The following RASSF3 variants were observed in gnomAD, a reference collection of about 807,000 sequenced individuals.
RASSF3 encodes Ras association domain family member 3.
Under a neutral mutation model 19.9 loss-of-function variants are expected in RASSF3, and 19 were observed. The ratio of observed to expected loss-of-function variants is 0.96; its 90% CI spans 0.67 to 1.40. The LOEUF is 1.40. Ranked by LOEUF, RASSF3 falls within the 40% of genes most tolerant of loss-of-function variation. The pLI is 0.00. For synonymous variants in RASSF3, 110 were observed against 104.2 expected (o/e 1.06, Z -0.34); for missense variants, 306 against 289.8 (o/e 1.06, Z -0.41).
chr12:64,667,533 G>C (rs577662434), intron 1 of RASSF3, among the ~76,000 whole-genome samples: 1 of 152,138 alleles, frequency 6.6e-6, no homozygotes, highest in African/African-American at 2.4e-5. Flanking sequence ...AAAGATGGTC[G>C]TAGCTCCTAT....
chr12:64,597,095 C>T (rs1870010050), intron 2 of RASSF3, among the ~76,000 whole-genome samples: 1 of 151,726 alleles, frequency 6.6e-6, no homozygotes, highest in African/African-American at 2.4e-5. Flanking sequence ...ACACGTTGGC[C>T]TTCACATATC....
In RASSF3 at chr12:64,696,426, TTAATC is replaced by T. The variant is rs2136228891; in HGVS notation, c.*1516_*1520del. 6.6e-6 allele frequency: 1 copy of T among 152,332 alleles called. No individual in the cohort carries two copies. The highest frequency in any genetic ancestry group is 2.4e-5 in the African/African-American group (1 of 41,570). 9.4% of individuals were successfully genotyped at this position (152,332 alleles called of 1,614,324 possible). A position where few individuals can be genotyped will look rare whatever the true frequency, so the allele number is the denominator to read the frequency against. On this transcript the variant is annotated 3_prime_UTR_variant, in exon 5 of 5. Transcript: ENST00000542104. ...AAATAACCTCATTTTATGCAGCAGT[TTAATC>T]TGAGAACAGAGGGAAAGGTGTGCAG...
At chr12:64,527,467 C>G (rs564983423) in intron 1 of RASSF3, among the ~76,000 whole-genome samples, 3 of 152,144 alleles carry the variant, frequency 2.0e-5, no homozygotes, top group Non-Finnish European at 4.4e-5. Flanking sequence ...CATTTCCTGC[C>G]CAATCCAGTG....
chr12:64,589,776 G>A (rs1184433048), intron 2 of RASSF3, among the ~76,000 whole-genome samples: 4 of 151,904 alleles, frequency 2.6e-5, no homozygotes, highest in Non-Finnish European at 5.9e-5. Context: ...GCCAAGATGA[G>A]TGGATCACTT....
chr12:64,644,350 G>C (rs1871653038), intron 1 of RASSF3, among the ~76,000 whole-genome samples: 1 of 152,142 alleles, frequency 6.6e-6, no homozygotes, highest in Non-Finnish European at 1.5e-5. Flanking sequence ...GGAGTGTCCT[G>C]TATTATCTTA....
chr12:64,690,688 G>C (rs1463365024), intron 3 of RASSF3, among the ~76,000 whole-genome samples: 1 of 150,704 alleles, frequency 6.6e-6, no homozygotes, highest in Non-Finnish European at 1.5e-5. Flanking sequence ...GTCCTGCTAT[G>C]TTGCCCTGGC....
chr12:64,687,513 C>T (rs1873405615), intron 2 of RASSF3, among the ~76,000 whole-genome samples: 2 of 149,228 alleles, frequency 1.3e-5, no homozygotes, highest in African/African-American at 5.0e-5. Flanking sequence ...CTTGCTCTGT[C>T]GCCCAGGCTG....
At chr12:64,561,842 C>A (rs1869352588) in intron 2 of RASSF3, among the ~76,000 whole-genome samples, 1 of 150,790 alleles carries the variant, frequency 6.6e-6, no homozygotes, top group African/African-American at 2.4e-5. Context: ...ACAGGCGAGC[C>A]CAACCACGCC....
rs12822870 is a variant in RASSF3, at chr12:64,582,052, G to A, written c.294+40347G>A. On this transcript the variant is annotated intron_variant, in intron 2 of 5. Coordinates refer to the RASSF3 transcript ENST00000637125. ...CTCGGCCAATTTTTTAGAGAGATGC[G>A]GTTGCCCAGGTGGGGGTCTCAAATT... Among the ~76,000 whole-genome samples, 1,188 of 151,902 alleles carry A rather than the reference G, an allele frequency of 7.8e-3. 8 individuals are homozygous for A. The highest frequency in any genetic ancestry group is 0.015 in the South Asian group (74 of 4,808).
chr12:64,622,639 G>T, intron 1 of RASSF3: 1 of 350,784 alleles, frequency 2.9e-6, no homozygotes, highest in Non-Finnish European at 5.6e-6. Flanking sequence ...GAAAATTGTT[G>T]CTTAATCTCT....
At chr12:64,615,000 T>C (rs1433238994) in intron 1 of RASSF3, among the ~76,000 whole-genome samples, 1 of 152,146 alleles carries the variant, frequency 6.6e-6, no homozygotes. Context: ...CGCCTGGCTG[T>C]TTCTTAAAAT....
At chr12:64,634,571 A>G (rs1247585156) in intron 1 of RASSF3, among the ~76,000 whole-genome samples, 6 of 152,040 alleles carry the variant, frequency 3.9e-5, no homozygotes, top group Non-Finnish European at 5.9e-5. Context: ...AAGCTTCACC[A>G]TAAATTTGAT....
downstream of RASSF3, among the ~76,000 whole-genome samples, chr12:64,546,293 C>T (rs750303994): frequency 2.6e-5 from 4 of 151,952 alleles, no homozygotes; most frequent in African/African-American, 7.3e-5. Flanking sequence ...TATTTTGAGA[C>T]GGAGTCTCGC....
At chr12:64,539,631 G>A (rs1868901297) in intron 1 of RASSF3, among the ~76,000 whole-genome samples, 1 of 152,108 alleles carries the variant, frequency 6.6e-6, no homozygotes, top group Non-Finnish European at 1.5e-5. Context: ...CAAAAATTAG[G>A]CAAGCATGGT....
In RASSF3 at chr12:64,688,235, C is replaced by T; in HGVS notation, c.239C>T (p.Thr80Ile). Residue 80 changes from threonine to isoleucine, a missense_variant, in exon 3 of 5, where the codon ACT becomes ATT. Transcript: ENST00000542104. The stretch of plus-strand genomic sequence containing the variant: ...CTTCAGAATTCAAATGGGATTTACA[C>T]TGGCTTCATTAAAGTACAGATGGAA... ...KMTLNSNGIY[T>I]GFIKVQMELC... The T allele has an allele frequency of 3.1e-6, 5 of 1,613,830 alleles. No individual in the cohort carries two copies. The highest frequency in any genetic ancestry group is 1.7e-5 in the Admixed American group (1 of 60,018).
intron 1 of RASSF3, among the ~76,000 whole-genome samples, chr12:64,643,672 G>A (rs906276126): frequency 1.4e-4 from 21 of 152,164 alleles, no homozygotes; most frequent in African/African-American, 4.8e-4. Flanking sequence ...TGGGTGATAG[G>A]ACAATCTCTT....
Position 64,688,238 on chromosome 12 carries a change from G to T in RASSF3, c.242G>T (p.Gly81Val). 1.2e-6 allele frequency: 2 copies of T among 1,613,898 alleles called. No individual in the cohort carries two copies. Among genetic ancestry groups the T allele is most frequent in the Non-Finnish European group, 1.7e-6 (2 of 1,179,812 alleles). Residue 81 changes from glycine (G) to valine (V), a missense_variant, in exon 3 of 5, where the codon GGC (glycine) becomes GTC (valine). By Grantham distance (109) the Gly-to-Val change is moderately radical. Transcript: ENST00000542104. ...MTLNSNGIYT[G>V]FIKVQMELCK... is the part of the protein sequence containing the mutation. ...CAGAATTCAAATGGGATTTACACTG[G>T]CTTCATTAAAGTACAGATGGAACTC...
chr12:64,577,800 G>A (rs1175180959), intron 2 of RASSF3, among the ~76,000 whole-genome samples: 1 of 152,170 alleles, frequency 6.6e-6, no homozygotes, highest in Non-Finnish European at 1.5e-5. Context: ...TTGAATTCCT[G>A]CAACCAACAT....
At chr12:64,684,047 A>G (rs1292322960) in intron 1 of RASSF3, among the ~76,000 whole-genome samples, 1 of 142,816 alleles carries the variant, frequency 7.0e-6, no homozygotes, top group African/African-American at 2.8e-5. Context: ...TTTCAAGGTA[A>G]CATGCAAGAA....
Sources: gnomAD v4.1 joint callset for allele counts (sites outside exome capture counted in the v4.1 genomes callset) on GRCh38, gnomAD v4.1.1 for gene constraint, MANE v1.5 for transcripts, NCBI Gene and HGNC (gene_info 2026-07-23, HGNC 2026-07-21) for gene names.